UEVLD: variants seen among roughly 807,000 people sequenced by gnomAD.
UEVLD encodes the protein ubiquitin-conjugating enzyme E2 variant 3.
In UEVLD, 47 loss-of-function variants were observed where a neutral mutation model predicts 58.6. The observed-to-expected ratio is 0.80, with a 90% CI of 0.63 to 1.02. UEVLD has a LOEUF of 1.02. UEVLD is among the 50% of genes least tolerant of loss of function. The pLI is 0.00. For synonymous variants in UEVLD, 197 were observed against 195.3 expected (o/e 1.01, Z -0.07); for missense variants, 510 against 550.6 (o/e 0.93, Z 0.74).
chr11:18,550,523 G>T (rs892050243), intron 7 of UEVLD, among the ~76,000 whole-genome samples: 2 of 152,052 alleles, frequency 1.3e-5, no homozygotes, highest in Non-Finnish European at 2.9e-5. Flanking sequence ...AGATCTAGTC[G>T]CATAGCAACT....
intron 1 of UEVLD, among the ~76,000 whole-genome samples, chr11:18,583,537 A>C (rs1853371526): frequency 6.6e-6 from 1 of 152,140 alleles, no homozygotes; most frequent in African/African-American, 2.4e-5. Context: ...TGATATTTCA[A>C]GAGTATTCTT....
intron 2 of UEVLD, 66 bp from the exon 3 acceptor site, chr11:18,575,478 G>GT: frequency 2.0e-6 from 3 of 1,491,550 alleles, no homozygotes; most frequent in African/African-American, 1.4e-5. Flanking sequence ...AGTAAAGTAT[G>GT]TAAGTGTGCA....
At position 18,553,436 on chromosome 11, in the gene UEVLD, A is replaced by G. The variant is rs540848009; in HGVS notation, c.715+4792T>C. 2.6e-5 allele frequency among the ~76,000 whole-genome samples: 4 copies of G among 152,326 alleles called. No homozygotes were observed. The South Asian group carries it at 8.3e-4, about 32-fold the overall frequency. On this transcript the variant is annotated intron_variant, in intron 7 of 11. Transcript: ENST00000396197. Reference sequence around the variant, plus strand: ...ACTTAGAGCTATATGTACTGTTAATAAACATCTTCAAAAGTGTAGAATTAA... The same window carrying G: ...ACTTAGAGCTATATGTACTGTTAATGAACATCTTCAAAAGTGTAGAATTAA...
At chr11:18,540,850 TA>T (rs1361385839) in intron 9 of UEVLD, among the ~76,000 whole-genome samples, 1 of 152,230 alleles carries the variant, frequency 6.6e-6, no homozygotes, top group African/African-American at 2.4e-5. Context: ...CAAAGTTTCC[TA>T]AAGACAGGGT....
At chr11:18,584,908 G>A (rs959413141) in intron 1 of UEVLD, among the ~76,000 whole-genome samples, 17 of 152,156 alleles carry the variant, frequency 1.1e-4, no homozygotes, top group African/African-American at 3.9e-4. Flanking sequence ...TGGGATTACA[G>A]GTGTGTGCCA....
At chr11:18,552,091 T>C (rs1185598577) in intron 7 of UEVLD, among the ~76,000 whole-genome samples, 1 of 152,240 alleles carries the variant, frequency 6.6e-6, no homozygotes, top group Non-Finnish European at 1.5e-5. Flanking sequence ...TTTTCATTTA[T>C]CTGGTATATC....
chr11:18,571,953 C>A (rs983959340), intron 3 of UEVLD, among the ~76,000 whole-genome samples: 4 of 152,112 alleles, frequency 2.6e-5, no homozygotes, highest in African/African-American at 9.7e-5. Context: ...AGAAAAAGAA[C>A]AGCCCAGGAG....
chr11:18,572,506 G>A (rs1206186282), intron 3 of UEVLD, among the ~76,000 whole-genome samples: 11 of 151,852 alleles, frequency 7.2e-5, no homozygotes, highest in Non-Finnish European at 2.9e-5. Context: ...CTAAAAGAGA[G>A]TAATAAAGGC....
chr11:18,545,064 C>CTA (rs1398604778), intron 8 of UEVLD, among the ~76,000 whole-genome samples: 10 of 20,224 alleles, frequency 4.9e-4, no homozygotes, highest in South Asian at 1.7e-3. Context: ...ATATCTATAT[C>CTA]TATATCTATA....
At chr11:18,584,686 G>A (rs981893896) in intron 1 of UEVLD, among the ~76,000 whole-genome samples, 2 of 152,172 alleles carry the variant, frequency 1.3e-5, no homozygotes, top group Non-Finnish European at 2.9e-5. Flanking sequence ...AGGCTGGAGT[G>A]CAGTGGCGTG....
At chr11:18,575,882 G>A (rs1409655788) in intron 2 of UEVLD, among the ~76,000 whole-genome samples, 1 of 152,156 alleles carries the variant, frequency 6.6e-6, no homozygotes, top group Non-Finnish European at 1.5e-5. Flanking sequence ...TCTCACCTCG[G>A]TGTCAACACC....
rs575539995 is a variant in UEVLD, at chr11:18,554,248, C to T, written c.715+3980G>A. On this transcript the variant is annotated intron_variant, in intron 7 of 11. Transcript: ENST00000396197. The stretch of plus-strand genomic sequence containing the variant: ...CTGGGATTATAGGCATGCACCACCA[C>T]ATCTGGCTAATTTTTGTATTTTTAG... Among the ~76,000 whole-genome samples the T allele has an allele frequency of 2.0e-5, 3 of 152,106 alleles. No individual in the cohort carries two copies. The East Asian group carries it at 5.8e-4, about 29-fold the overall frequency.
rs766097804 is a variant in UEVLD at position 18,588,679 on chromosome 11, C to A, written c.-25G>T. ...TCTCCAGGCCGGTCCCGAGCTAGGTCCCAGGACTCCAGCCCCCGGACCTTC... is the reference window on the plus strand; with the variant it reads ...TCTCCAGGCCGGTCCCGAGCTAGGTACCAGGACTCCAGCCCCCGGACCTTC... On this transcript the variant is annotated 5_prime_UTR_variant, in exon 1 of 12. Coordinates refer to ENST00000396197, the MANE Select transcript of UEVLD (RefSeq NM_001040697.4). 44 of 1,605,902 alleles carry A rather than the reference C, an allele frequency of 2.7e-5. No homozygotes were observed. The South Asian group carries it at 4.6e-4, about 17-fold the overall frequency.
At chr11:18,542,039 T>C (rs972216138) in intron 9 of UEVLD, among the ~76,000 whole-genome samples, 4 of 152,160 alleles carry the variant, frequency 2.6e-5, no homozygotes, top group African/African-American at 9.7e-5. Context: ...GGTTATATTT[T>C]GGGGGTCCCT....
intron 6 of UEVLD, among the ~76,000 whole-genome samples, chr11:18,560,138 C>CACACAG (rs368897951): frequency 0.011 from 839 of 74,530 alleles, 28 homozygotes; most frequent in East Asian, 0.016. Context: ...CACACACACA[C>CACACAG]AGAGAGAGAA....
chr11:18,554,999 T>C (rs933090140), intron 7 of UEVLD, among the ~76,000 whole-genome samples: 2 of 152,166 alleles, frequency 1.3e-5, no homozygotes, highest in Non-Finnish European at 2.9e-5. Context: ...TTAAAATTAC[T>C]TCATCTAAGG....
In UEVLD at chr11:18,560,137, A is replaced by ACAC. The variant is rs1565125565; in HGVS notation, c.613-1808_613-1807insGTG. ...CACACACACACACACACACACACAC[A>ACAC]CAGAGAGAGAAAGAAAATAACCCTG... On this transcript the variant is annotated intron_variant, in intron 6 of 11. Transcript: ENST00000396197. Among the ~76,000 whole-genome samples, 13 of 80,240 alleles carry ACAC rather than the reference A, an allele frequency of 1.6e-4. 1 individual carries two copies. In the East Asian group the frequency reaches 3.5e-3, roughly 21 times the overall value. 52.6% of individuals were successfully genotyped at this position (80,240 alleles called of 152,430 possible). A position where few individuals can be genotyped will look rare whatever the true frequency, so the allele number is the denominator to read the frequency against.
intron 10 of UEVLD, among the ~76,000 whole-genome samples, chr11:18,535,025 T>C (rs1439465913): frequency 3.3e-5 from 5 of 152,214 alleles, no homozygotes; most frequent in Non-Finnish European, 5.9e-5. Context: ...TTGAGAAGAA[T>C]AAGGTAGATT....
chr11:18,562,880 TA>T (rs1338371279), intron 6 of UEVLD, among the ~76,000 whole-genome samples: 1 of 151,740 alleles, frequency 6.6e-6, no homozygotes, highest in Non-Finnish European at 1.5e-5. Flanking sequence ...GACCTATCTC[TA>T]CAAAAAAACT....
Sources: allele counts gnomAD v4.1 joint callset (sites outside exome capture counted in the v4.1 genomes callset), GRCh38; gene constraint gnomAD v4.1.1; transcripts MANE v1.5; gene names NCBI Gene and HGNC (gene_info 2026-07-23, HGNC 2026-07-21).